SYNJ1: variants seen among roughly 807,000 people sequenced by gnomAD.
The protein encoded by SYNJ1 is polyphosphatidylinositol phosphatase SYNJ1.
In SYNJ1, 78 loss-of-function variants were observed where a neutral mutation model predicts 168.2. That is an observed-to-expected ratio of 0.46 (90% CI 0.39 to 0.56). SYNJ1 has a LOEUF of 0.56. Among genes scored for constraint, SYNJ1 ranks in the 20% least tolerant of loss-of-function variants. The pLI, the probability that SYNJ1 is intolerant of heterozygous loss-of-function variation, is 0.00. For synonymous variants in SYNJ1, 539 were observed against 548.6 expected (o/e 0.98, Z 0.24); for missense variants, 1,303 against 1,597.6 (o/e 0.82, Z 3.14).
chr21:32,678,897 G>C, intron 11 of SYNJ1, 96 bp from the exon 12 acceptor site: 1 of 1,501,240 alleles, frequency 6.7e-7, no homozygotes, highest in Non-Finnish European at 8.9e-7. Context: ...AGTTTTATAT[G>C]ATTTTAGTAT....
In SYNJ1 at chr21:32,639,356, C is replaced by T. The variant is rs918188503; in HGVS notation, c.3698-231G>A. Among the ~76,000 whole-genome samples, 4 of 152,044 alleles carry T rather than the reference C, an allele frequency of 2.6e-5. No homozygotes were observed. The East Asian group carries it at 7.7e-4, about 29-fold the overall frequency. On this transcript the variant is annotated intron_variant, in intron 30 of 32. Transcript: ENST00000674351. Reference sequence around the variant, plus strand: ...ATACAACAAAACCAGTACAGTATTTCTAATATAGTATCTACCTTTCTTTTC... The same window carrying T: ...ATACAACAAAACCAGTACAGTATTTTTAATATAGTATCTACCTTTCTTTTC...
intron 2 of SYNJ1, among the ~76,000 whole-genome samples, chr21:32,718,023 A>G (rs868531658): frequency 6.6e-6 from 1 of 152,190 alleles, no homozygotes; most frequent in Non-Finnish European, 1.5e-5. Context: ...AAGGTCTGCA[A>G]ATCATTCCAT....
At chr21:32,646,286 A>C (rs1289017026) in intron 24 of SYNJ1, 107 bp downstream of exon 24, 3 of 1,133,906 alleles carry the variant, frequency 2.6e-6, no homozygotes, top group Non-Finnish European at 2.6e-6. Context: ...TACCGGAGAA[A>C]ACAGGGTGCA....
chr21:32,658,320 A>C (rs1045662040), intron 18 of SYNJ1, among the ~76,000 whole-genome samples: 1 of 152,198 alleles, frequency 6.6e-6, no homozygotes. Flanking sequence ...CTTGACTTCA[A>C]AGGGACAGCT....
chr21:32,640,498 T>C (rs568453273), intron 29 of SYNJ1, among the ~76,000 whole-genome samples: 1 of 152,210 alleles, frequency 6.6e-6, no homozygotes, highest in African/African-American at 2.4e-5. Context: ...GGTTTCACCA[T>C]GTTGGCCAGG....
Position 32,666,442 on chromosome 21 carries a change from G to A in SYNJ1, c.1943C>T (p.Pro648Leu). 1 of 1,613,554 alleles carries A rather than the reference G, an allele frequency of 6.2e-7. No homozygotes were observed. Among genetic ancestry groups the A allele is most frequent in the South Asian group, 1.1e-5 (1 of 90,924 alleles). The change falls in exon 16 of 33, where the codon CCT (proline) becomes CTT (leucine). Residue 648 changes from proline (P) to leucine (L), a missense_variant. Pro to Leu is a moderately conservative substitution (Grantham distance 98, BLOSUM62 -3). Transcript: ENST00000674351. ...LFVFIRPQHA[P>L]FIRDVAVDTV... ...TGTTCTGTTTACTGACCTGATAAAA[G>A]GAGCATGCTGTGGTCTGATAAAAAC...
intron 16 of SYNJ1, 45 bp from the exon 17 acceptor site, chr21:32,666,180 G>T (rs774097566): frequency 6.4e-7 from 1 of 1,559,258 alleles, no homozygotes; most frequent in Non-Finnish European, 8.7e-7. Flanking sequence ...AATTTCAAGA[G>T]TTCCATGTGC....
At chr21:32,652,629 G>A (rs1165182392) in intron 22 of SYNJ1, among the ~76,000 whole-genome samples, 2 of 152,194 alleles carry the variant, frequency 1.3e-5, no homozygotes, top group Non-Finnish European at 2.9e-5. Context: ...CTTGTGCACT[G>A]ACTATATACT....
chr21:32,701,518 C>G (rs1246964897), intron 3 of SYNJ1, among the ~76,000 whole-genome samples: 1 of 151,370 alleles, frequency 6.6e-6, no homozygotes, highest in Non-Finnish European at 1.5e-5. Context: ...AAAGGTTACT[C>G]TGCAGCTCAC....
rs1019467925 is a variant in SYNJ1 at position 32,695,385 on chromosome 21, A to G, written c.480-103T>C. 4 of 1,114,026 alleles carry G rather than the reference A, an allele frequency of 3.6e-6. No homozygotes were observed. The African/African-American group carries it at 6.3e-5, about 18-fold the overall frequency. 69.0% of individuals were successfully genotyped at this position (1,114,026 alleles called of 1,614,324 possible). On this transcript the variant is annotated intron_variant, in intron 4 of 32. Transcript: ENST00000674351. ...AAATTAATTTAATATTATTAAATTT[A>G]AAGGCACAAACAACAAATCAATTCA...
intron 18 of SYNJ1, among the ~76,000 whole-genome samples, chr21:32,661,481 C>T (rs1012680914): frequency 1.3e-5 from 2 of 152,124 alleles, no homozygotes; most frequent in African/African-American, 4.8e-5. Flanking sequence ...TACGAAGTAA[C>T]CCGTGTGCTT....
intron 10 of SYNJ1, among the ~76,000 whole-genome samples, chr21:32,681,878 T>C (rs1023857210): frequency 1.3e-5 from 2 of 152,178 alleles, no homozygotes; most frequent in African/African-American, 2.4e-5. Flanking sequence ...TCTTTCTGGT[T>C]AAATGATAAA....
intron 7 of SYNJ1, 106 bp downstream of exon 7, chr21:32,688,200 G>A: frequency 9.8e-7 from 1 of 1,021,858 alleles, no homozygotes; most frequent in Non-Finnish European, 1.4e-6. Flanking sequence ...AGGAGTCAGA[G>A]GAATTTTATT....
chr21:32,675,415 A>T (rs1426477125), intron 13 of SYNJ1, among the ~76,000 whole-genome samples: 4 of 152,162 alleles, frequency 2.6e-5, no homozygotes, highest in African/African-American at 9.7e-5. Context: ...AAAAAATTTT[A>T]AAAAAGAAAT....
At chr21:32,666,916 TC>T (rs950165109) in intron 15 of SYNJ1, among the ~76,000 whole-genome samples, 6 of 152,286 alleles carry the variant, frequency 3.9e-5, no homozygotes, top group African/African-American at 1.4e-4. Context: ...TTTCAGGACC[TC>T]CCATGATACC....
intron 8 of SYNJ1, 142 bp downstream of exon 8, chr21:32,686,836 G>T (rs2041852819): frequency 1.8e-6 from 1 of 561,124 alleles, no homozygotes; most frequent in Non-Finnish European, 3.0e-6. Flanking sequence ...GACCCAAAGA[G>T]TTCAAGTTTC....
In SYNJ1 at chr21:32,666,548, C is replaced by T; in HGVS notation, c.1837G>A (p.Val613Ile). The change falls in exon 16 of 33, where the codon GTA (valine) becomes ATA (isoleucine). Residue 613 changes from valine (V) to isoleucine (I), a missense_variant. Physicochemically the swap from Val to Ile is conservative, Grantham distance 29. Transcript: ENST00000674351. ...CTGGAGATTGTCTTCTGAAGTTCTA[C>T]AGCCCAGAGCTTCTGATTTGTTGTG... ...ASTTNQKLWAVELQKTISRDN... is the reference protein window; with the variant it reads ...ASTTNQKLWAIELQKTISRDN... The T allele has an allele frequency of 6.2e-7, 1 of 1,611,904 alleles. No homozygotes were observed. Among genetic ancestry groups the T allele is most frequent in the Non-Finnish European group, 8.5e-7 (1 of 1,179,490 alleles).
At chr21:32,716,682 C>T (rs2043034482) in intron 2 of SYNJ1, among the ~76,000 whole-genome samples, 1 of 152,178 alleles carries the variant, frequency 6.6e-6, no homozygotes, top group Admixed American at 6.5e-5. Flanking sequence ...GGATTCATAG[C>T]TTTCATGAAA....
chr21:32,709,579 G>A (rs1006281719), intron 2 of SYNJ1, among the ~76,000 whole-genome samples: 1 of 147,264 alleles, frequency 6.8e-6, no homozygotes, highest in East Asian at 2.1e-4. Context: ...GTGCAGTGAC[G>A]CGATCTTGGC....
Sources: gnomAD v4.1 joint callset for allele counts (sites outside exome capture counted in the v4.1 genomes callset) on GRCh38, gnomAD v4.1.1 for gene constraint, MANE v1.5 for transcripts, NCBI Gene and HGNC (gene_info 2026-07-23, HGNC 2026-07-21) for gene names.